ZNF107: variants seen among roughly 807,000 people sequenced by gnomAD.
ZNF107 encodes zinc finger protein 107.
A neutral mutation model predicts 12.3 loss-of-function variants in ZNF107; 19 were observed. The observed-to-expected ratio is 1.55, with a 90% CI of 1.08 to 2.27. The LOEUF is 2.27. Ranked by LOEUF, ZNF107 falls within the 30% of genes most tolerant of loss-of-function variation. The pLI is 0.00. For synonymous variants in ZNF107, 317 were observed against 330.5 expected (o/e 0.96, Z 0.44); for missense variants, 958 against 979.9 (o/e 0.98, Z 0.30).
intron 3 of ZNF107, among the ~76,000 whole-genome samples, chr7:64,696,558 A>G (rs1790295535): frequency 6.6e-6 from 1 of 152,128 alleles, no homozygotes; most frequent in African/African-American, 2.4e-5. Flanking sequence ...GTATATTCAC[A>G]TTGTTATTTA....
chr7:64,688,921 A>G (rs916909918), intron 1 of ZNF107, among the ~76,000 whole-genome samples: 2 of 152,128 alleles, frequency 1.3e-5, no homozygotes, highest in African/African-American at 2.4e-5. Flanking sequence ...TTTGTAAACA[A>G]ATGAGAGTTT....
intron 1 of ZNF107, among the ~76,000 whole-genome samples, chr7:64,688,787 C>A (rs1584478492): frequency 6.6e-6 from 1 of 152,294 alleles, no homozygotes; most frequent in African/African-American, 2.4e-5. Flanking sequence ...AAGAATTTAT[C>A]TCTTGAAACT....
In ZNF107 at chr7:64,709,580, T is replaced by C. The variant is rs899282840; in HGVS notation, c.*924T>C. 9 of 397,930 alleles carry C rather than the reference T, an allele frequency of 2.3e-5. No individual in the cohort carries two copies. The highest frequency in any genetic ancestry group is 4.3e-5 in the Non-Finnish European group (9 of 207,810). 24.6% of individuals were successfully genotyped at this position (397,930 alleles called of 1,614,324 possible). A position where few individuals can be genotyped will look rare whatever the true frequency, so the allele number is the denominator to read the frequency against. Reference sequence around the variant, plus strand: ...CCTTTAAATGGTTGTCACACTTGATTGTAGGTAAGAATCCATACTGAAGAA... The same window carrying C: ...CCTTTAAATGGTTGTCACACTTGATCGTAGGTAAGAATCCATACTGAAGAA... On this transcript the variant is annotated 3_prime_UTR_variant, in exon 4 of 4. Transcript: ENST00000620827.
At chr7:64,677,951 T>C (rs1423091916) in intron 1 of ZNF107, among the ~76,000 whole-genome samples, 1 of 152,060 alleles carries the variant, frequency 6.6e-6, no homozygotes, top group Non-Finnish European at 1.5e-5. Context: ...ATAAGAGGCT[T>C]TATTCTCCTA....
chr7:64,701,177 T>C (rs182559983), intron 3 of ZNF107, among the ~76,000 whole-genome samples: 4 of 152,350 alleles, frequency 2.6e-5, no homozygotes, highest in East Asian at 1.9e-4. Context: ...TTATGTCTAA[T>C]ATAATTATGA....
intron 1 of ZNF107, chr7:64,687,255 T>C: frequency 1.0e-6 from 1 of 986,174 alleles, no homozygotes; most frequent in South Asian, 4.7e-5. Flanking sequence ...GCTATCTCTA[T>C]ATGGACTCAT....
rs184725541 is a variant in ZNF107 at position 64,669,458 on chromosome 7, T to G, written c.3+3173T>G. On this transcript the variant is annotated intron_variant, in intron 1 of 3. Transcript: ENST00000620827. ...TTTATCGTCTGAAAGAAATAAATAC[T>G]TTGCATTTCTTACTGAGGTATGAAA... Among the ~76,000 whole-genome samples the G allele has an allele frequency of 7.4e-3, 1,121 of 152,316 alleles. 12 individuals carry two copies. The highest frequency in any genetic ancestry group is 0.026 in the African/African-American group (1,081 of 41,564).
At chr7:64,696,825 T>A (rs1278362299) in intron 3 of ZNF107, among the ~76,000 whole-genome samples, 1 of 152,204 alleles carries the variant, frequency 6.6e-6, no homozygotes, top group Non-Finnish European at 1.5e-5. Flanking sequence ...ATTTATTTTT[T>A]ATTTTTTATT....
intron 1 of ZNF107, among the ~76,000 whole-genome samples, chr7:64,667,677 A>G (rs1037087197): frequency 1.3e-5 from 2 of 152,214 alleles, no homozygotes; most frequent in African/African-American, 4.8e-5. Flanking sequence ...GTATCTGGGA[A>G]TGGGAGACAG....
At chr7:64,683,255 A>G (rs1313308253) in intron 1 of ZNF107, among the ~76,000 whole-genome samples, 1 of 152,154 alleles carries the variant, frequency 6.6e-6, no homozygotes, top group Non-Finnish European at 1.5e-5. Context: ...TTTTCTAACC[A>G]CACAAGGGTC....
chr7:64,696,969 G>GC (rs1790310554), intron 3 of ZNF107, among the ~76,000 whole-genome samples: 1 of 138,010 alleles, frequency 7.2e-6, no homozygotes, highest in Non-Finnish European at 1.6e-5. Context: ...CCTCCCCCCT[G>GC]CCCCCACCCC....
chr7:64,674,639 T>C (rs1315638076), intron 1 of ZNF107, among the ~76,000 whole-genome samples: 1 of 152,220 alleles, frequency 6.6e-6, no homozygotes, highest in East Asian at 1.9e-4. Context: ...AATTCTATGT[T>C]GAATAGGAGT....
chr7:64,708,642 T>A lies in ZNF107; in HGVS notation c.2545T>A (p.Tyr849Asn), dbSNP rs77413930. ...HTGEKPYKCE[Y>N]GKT ...TGGAGAGAAACCCTACAAATGTGAG[T>A]ATGGCAAAACTTAATTGATCCTACA... The change falls in exon 4 of 4, where the codon TAT becomes AAT. Residue 849 changes from tyrosine (Y) to asparagine (N), a missense_variant. By Grantham distance (143) the Tyr-to-Asn change is moderately radical. Coordinates refer to ENST00000620827, the MANE Select transcript of ZNF107 (RefSeq NM_001282359.2). 1.3e-6 allele frequency: 2 copies of A among 1,589,310 alleles called. No homozygotes were observed. Among genetic ancestry groups the A allele is most frequent in the East Asian group, 2.3e-5 (1 of 44,048 alleles).
Position 64,707,050 on chromosome 7 carries a change from G to C in ZNF107, c.953G>C (p.Cys318Ser), listed in dbSNP as rs761744476. 6.2e-7 allele frequency: 1 copy of C among 1,612,014 alleles called. No individual in the cohort carries two copies. Among genetic ancestry groups the C allele is most frequent in the Admixed American group, 1.7e-5 (1 of 59,606 alleles). The change falls in exon 4 of 4, where the codon TGT becomes TCT. Residue 318 changes from cysteine to serine, a missense_variant. Coordinates refer to ENST00000620827, the MANE Select transcript of ZNF107 (RefSeq NM_001282359.2). Reference sequence around the variant, plus strand: ...GAGAACCTCTACAAGTGTAAAGAATGTGGAAAAGCTTTTAACCTATTCTCA... The same window carrying C: ...GAGAACCTCTACAAGTGTAAAGAATCTGGAAAAGCTTTTAACCTATTCTCA... ...TGENLYKCKE[C>S]GKAFNLFSNL... is the part of the protein sequence containing the mutation.
intron 1 of ZNF107, among the ~76,000 whole-genome samples, chr7:64,672,173 T>G (rs1789257396): frequency 6.6e-6 from 1 of 152,124 alleles, no homozygotes; most frequent in African/African-American, 2.4e-5. Flanking sequence ...ATTATTTAGC[T>G]CTTATACATG....
intron 1 of ZNF107, among the ~76,000 whole-genome samples, chr7:64,682,030 G>T (rs965367887): frequency 6.6e-6 from 1 of 151,886 alleles, no homozygotes; most frequent in Non-Finnish European, 1.5e-5. Flanking sequence ...AGGGCTTCCG[G>T]AATAGCCCTC....
intron 1 of ZNF107, among the ~76,000 whole-genome samples, chr7:64,671,616 C>G (rs1027829881): frequency 6.6e-6 from 1 of 152,178 alleles, no homozygotes; most frequent in African/African-American, 2.4e-5. Flanking sequence ...CATTCTCCCC[C>G]ACCCATGGAT....
chr7:64,695,085 A>T (rs1790243619), intron 3 of ZNF107, among the ~76,000 whole-genome samples: 1 of 151,920 alleles, frequency 6.6e-6, no homozygotes, highest in South Asian at 2.1e-4. Flanking sequence ...ACACATATAA[A>T]TATATATTAC....
chr7:64,684,218 C>T (rs966783143), intron 1 of ZNF107, among the ~76,000 whole-genome samples: 3 of 152,180 alleles, frequency 2.0e-5, no homozygotes, highest in East Asian at 1.9e-4. Context: ...ATAGCCCATT[C>T]GAACTCTTAT....
Sources: gnomAD v4.1 joint callset for allele counts (sites outside exome capture counted in the v4.1 genomes callset) on GRCh38, gnomAD v4.1.1 for gene constraint, MANE v1.5 for transcripts, NCBI Gene and HGNC (gene_info 2026-07-23, HGNC 2026-07-21) for gene names.